The following HECTD4 variants were observed in gnomAD, a reference collection of about 807,000 sequenced individuals.
HECTD4 encodes the protein probable E3 ubiquitin-protein ligase HECTD4.
In HECTD4, 114 loss-of-function variants were observed where a neutral mutation model predicts 471.5. That is an observed-to-expected ratio of 0.24 (90% CI 0.21 to 0.28). The LOEUF is 0.28. HECTD4 is among the 10% of genes least tolerant of loss of function. HECTD4 has a pLI of 1.00. For synonymous variants in HECTD4, 2,012 were observed against 2,256.0 expected (o/e 0.89, Z 3.07); for missense variants, 3,866 against 5,651.5 (o/e 0.68, Z 10.13).
At position 112,210,148 on chromosome 12, in the gene HECTD4, G is replaced by A; in HGVS notation, c.7734C>T (p.Ile2578=). The A allele has an allele frequency of 6.2e-7, 1 of 1,614,038 alleles. No individual in the cohort carries two copies. The highest frequency in any genetic ancestry group is 8.5e-7 in the Non-Finnish European group (1 of 1,179,902). The change falls in exon 50 of 76, where the codon ATC becomes ATT. Residue 2578 remains isoleucine (I), a synonymous_variant. Coordinates refer to ENST00000682272, the MANE Select transcript of HECTD4 (RefSeq NM_001388303.1). ...ADLCTDLAEE[I]SANFEALPFA... The stretch of plus-strand genomic sequence containing the variant: ...AAGGCAGGGCCTCAAAGTTAGCGCT[G>A]ATCTCTTCTGCTAGGTCAGTGCACA...
chr12:112,332,260 C>T (rs573616918), intron 1 of HECTD4, among the ~76,000 whole-genome samples: 6 of 152,104 alleles, frequency 3.9e-5, no homozygotes, highest in East Asian at 1.9e-4. Flanking sequence ...GGGCAGGGCG[C>T]GGTGGCTCAC....
At chr12:112,248,042 G>A (rs1453419725) in intron 27 of HECTD4, 25 bp downstream of exon 27, 2 of 1,550,138 alleles carry the variant, frequency 1.3e-6, no homozygotes, top group Non-Finnish European at 1.8e-6. Flanking sequence ...CAATACCCCA[G>A]TGACAAATCA....
At chr12:112,220,491 C>T (rs981919887) in intron 44 of HECTD4, among the ~76,000 whole-genome samples, 70 of 152,144 alleles carry the variant, frequency 4.6e-4, no homozygotes, top group African/African-American at 1.3e-3. Context: ...TTAATGAAAA[C>T]ATCATTAAGT....
intron 1 of HECTD4, among the ~76,000 whole-genome samples, chr12:112,355,986 G>T (rs1174758894): frequency 6.6e-6 from 1 of 152,020 alleles, no homozygotes; most frequent in Non-Finnish European, 1.5e-5. Flanking sequence ...AGGACTCTTG[G>T]ATTATAAACA....
At chr12:112,257,275 A>G (rs1000806187) in intron 20 of HECTD4, among the ~76,000 whole-genome samples, 3 of 152,362 alleles carry the variant, frequency 2.0e-5, no homozygotes. Context: ...CAGTCACATT[A>G]GCTATATTGC....
At position 112,162,563 on chromosome 12, in the gene HECTD4, A is replaced by C; in HGVS notation, c.13121-40T>G. Reference sequence around the variant, plus strand: ...GCCAGCATCAGAGGGTTGGGCCCACATCTGTGAGGCTCCCAGGGAAGCTGG... The same window carrying C: ...GCCAGCATCAGAGGGTTGGGCCCACCTCTGTGAGGCTCCCAGGGAAGCTGG... On this transcript the variant is annotated intron_variant, in intron 75 of 75. Coordinates refer to ENST00000682272, the MANE Select transcript of HECTD4 (RefSeq NM_001388303.1). The surrounding 1 kb of genome is among the most constrained non-coding windows in gnomAD (Gnocchi z 5.2). 1 of 1,612,652 alleles carries C rather than the reference A, an allele frequency of 6.2e-7. No homozygotes were observed. The highest frequency in any genetic ancestry group is 8.5e-7 in the Non-Finnish European group (1 of 1,179,138).
At chr12:112,209,092 G>A (rs1182272229) in intron 50 of HECTD4, among the ~76,000 whole-genome samples, 2 of 150,902 alleles carry the variant, frequency 1.3e-5, no homozygotes, top group Non-Finnish European at 2.9e-5. Context: ...TGTAGAGACA[G>A]GGTCTCACTG....
chr12:112,260,187 C>A (rs2034111977), intron 18 of HECTD4, among the ~76,000 whole-genome samples: 1 of 152,168 alleles, frequency 6.6e-6, no homozygotes, highest in African/African-American at 2.4e-5. Flanking sequence ...TTTGACTCAT[C>A]TAAGTAGGCA....
At chr12:112,222,698 G>A (rs929647313) in intron 44 of HECTD4, among the ~76,000 whole-genome samples, 2 of 152,044 alleles carry the variant, frequency 1.3e-5, no homozygotes, top group Admixed American at 6.6e-5. Flanking sequence ...GCCGGGCATG[G>A]TGGTGTGCAC....
chr12:112,208,728 A>C, intron 50 of HECTD4, 98 bp from the exon 51 acceptor site: 1 of 1,114,616 alleles, frequency 9.0e-7, no homozygotes, highest in Non-Finnish European at 1.2e-6. Flanking sequence ...CTTAATTTGC[A>C]TGATAGGAAG....
Position 112,213,511 on chromosome 12 carries a change from C to G in HECTD4, c.7466-861G>C, listed in dbSNP as rs923203294. On this transcript the variant is annotated intron_variant, in intron 48 of 75. Coordinates refer to ENST00000682272, the MANE Select transcript of HECTD4 (RefSeq NM_001388303.1). This position sits in a 1 kb window ranked among gnomAD's most constrained non-coding sequence, Gnocchi z 4.0. ...TCCATCCTGGCTAACACGGTGAAAC[C>G]CTGTCTCTACTAAAAATACAAAAAT... 2.7e-5 allele frequency among the ~76,000 whole-genome samples: 4 copies of G among 149,472 alleles called. No individual in the cohort carries two copies. The highest frequency in any genetic ancestry group is 4.9e-5 in the African/African-American group (2 of 40,528).
intron 1 of HECTD4, among the ~76,000 whole-genome samples, chr12:112,341,585 T>C (rs2036055497): frequency 6.6e-6 from 1 of 152,196 alleles, no homozygotes; most frequent in Non-Finnish European, 1.5e-5. Flanking sequence ...ACCTCGTCTA[T>C]CGCTTTACGG....
chr12:112,217,921 A>T (rs2032971493), intron 45 of HECTD4, among the ~76,000 whole-genome samples: 1 of 152,058 alleles, frequency 6.6e-6, no homozygotes, highest in African/African-American at 2.4e-5. Context: ...TTTTATTTTT[A>T]ATCATTCTAA....
chr12:112,351,135 T>C (rs1203299835), intron 1 of HECTD4, among the ~76,000 whole-genome samples: 1 of 152,210 alleles, frequency 6.6e-6, no homozygotes, highest in East Asian at 1.9e-4. Context: ...TGAAGATCTG[T>C]ACCTAGCTTT....
At chr12:112,217,302 C>A (rs2032946170) in intron 45 of HECTD4, 107 bp from the exon 46 acceptor site, 1 of 421,316 alleles carries the variant, frequency 2.4e-6, no homozygotes, top group Non-Finnish European at 4.1e-6. Flanking sequence ...TATAGGCATA[C>A]ACACACACAC....
chr12:112,247,948 A>G (rs1228920388), intron 27 of HECTD4, 119 bp downstream of exon 27: 1 of 692,592 alleles, frequency 1.4e-6, no homozygotes, highest in Non-Finnish European at 2.3e-6. Context: ...TGGAGTGTGC[A>G]ACATTTTAGG....
intron 1 of HECTD4, among the ~76,000 whole-genome samples, chr12:112,363,339 G>GCTTT (rs1262546778): frequency 2.0e-5 from 3 of 151,852 alleles, no homozygotes; most frequent in Non-Finnish European, 4.4e-5. Flanking sequence ...CTGAGCTCAA[G>GCTTT]CAATCCTCCC....
intron 68 of HECTD4, 200 bp from the exon 69 acceptor site, chr12:112,170,652 C>A: frequency 1.7e-6 from 1 of 583,288 alleles, no homozygotes. Flanking sequence ...CATCCAATTT[C>A]TAGAAACAAT....
chr12:112,308,435 C>CAAA lies in HECTD4; in HGVS notation c.1164+315_1164+317dup, dbSNP rs1044637619. On this transcript the variant is annotated intron_variant, in intron 6 of 75. Transcript: ENST00000682272. ...CAAAATAGATCTGGTTCAAAAAAAG[C>CAAA]AAAAAAAAAAACAAAAACAAAACAA... Among the ~76,000 whole-genome samples, 5 of 53,246 alleles carry CAAA rather than the reference C, an allele frequency of 9.4e-5. No individual in the cohort carries two copies. The East Asian group carries it at 2.2e-3, about 23-fold the overall frequency. 34.9% of individuals were successfully genotyped at this position (53,246 alleles called of 152,430 possible).
Sources: allele counts gnomAD v4.1 joint callset (sites outside exome capture counted in the v4.1 genomes callset), GRCh38; gene constraint gnomAD v4.1.1; non-coding constraint Gnocchi (gnomAD v3.1); transcripts MANE v1.5; gene names NCBI Gene and HGNC (gene_info 2026-07-23, HGNC 2026-07-21).